CORO7: variants seen among roughly 807,000 people sequenced by gnomAD.
The protein encoded by CORO7 is coronin-7.
Under a neutral mutation model 126.6 loss-of-function variants are expected in CORO7, and 107 were observed. The observed-to-expected ratio is 0.85, with a 90% CI of 0.72 to 0.99. CORO7 has a LOEUF of 0.99. CORO7 is among the 50% of genes least tolerant of loss of function. CORO7 has a pLI of 0.00. For missense variants in CORO7, 1,314 were observed against 1,255.8 expected (o/e 1.05, Z -0.70); for synonymous variants, 603 against 536.8 (o/e 1.12, Z -1.70).
intron 6 of CORO7, among the ~76,000 whole-genome samples, chr16:4,401,580 G>A (rs2055809873): frequency 6.6e-6 from 1 of 152,234 alleles, no homozygotes; most frequent in South Asian, 2.1e-4. Context: ...AGAGACAGAA[G>A]ACAGAGACCA....
intron 5 of CORO7, 100 bp from the exon 6 acceptor site, chr16:4,405,667 C>G: frequency 7.0e-7 from 1 of 1,434,546 alleles, no homozygotes. Context: ...GCAAAGGCAG[C>G]AGCTACGAGG....
intron 7 of CORO7, among the ~76,000 whole-genome samples, chr16:4,393,164 C>A (rs114232925): frequency 0.017 from 2,513 of 152,258 alleles, 30 homozygotes; most frequent in Middle Eastern, 0.065. Flanking sequence ...AGGTCGGGGG[C>A]AGAAGCATAG....
At chr16:4,415,793 G>T (rs1026943002) in intron 1 of CORO7, 72 of 985,442 alleles carry the variant, frequency 7.3e-5, no homozygotes, top group Non-Finnish European at 7.3e-5. Context: ...GCCGTTTCGG[G>T]GGTCCGAAGG....
intron 9 of CORO7, chr16:4,381,516 C>G: frequency 6.3e-7 from 1 of 1,598,088 alleles, no homozygotes; most frequent in Non-Finnish European, 8.5e-7. Context: ...GGCTCTTCAG[C>G]CGCTTGCGCA....
At position 4,373,900 on chromosome 16, in the gene CORO7, C is replaced by T. The variant is rs373779911; in HGVS notation, c.786-8355G>A. Among the ~76,000 whole-genome samples, 4 of 152,242 alleles carry T rather than the reference C, an allele frequency of 2.6e-5. No homozygotes were observed. The East Asian group carries it at 5.8e-4, about 22-fold the overall frequency. On this transcript the variant is annotated intron_variant, in intron 9 of 27. Transcript: ENST00000251166. ...ATGGCTATCCCTGACCACTGGCCAGCCCTGAGCTCATGGGAGGGCAGCAAG... is the reference window on the plus strand; with the variant it reads ...ATGGCTATCCCTGACCACTGGCCAGTCCTGAGCTCATGGGAGGGCAGCAAG...
chr16:4,412,797 A>G (rs2056263297), intron 2 of CORO7: 1 of 308,190 alleles, frequency 3.2e-6, no homozygotes, highest in Non-Finnish European at 6.1e-6. Flanking sequence ...AGACCCAGAG[A>G]GGTCAGGGCC....
rs2056079330 is a variant in CORO7 at position 4,408,209 on chromosome 16, A to T, written c.275T>A (p.Leu92His). 3 of 1,614,200 alleles carry T rather than the reference A, an allele frequency of 1.9e-6. No individual in the cohort carries two copies. Among genetic ancestry groups the T allele is most frequent in the Middle Eastern group, 1.6e-4 (1 of 6,062 alleles). ...DLDFSPFDDFLLATGSADRTV... is the reference protein window; with the variant it reads ...DLDFSPFDDFHLATGSADRTV... ...CCTGTCAGCCGAGCCTGTGGCCAGG[A>T]GGAAGTCATCAAAGGGCGAGAAGTC... The change falls in exon 4 of 28, where the codon CTC becomes CAC. Residue 92 changes from leucine (L) to histidine (H), a missense_variant. Leu to His is a moderately conservative substitution (Grantham distance 99). Transcript: ENST00000251166.
At chr16:4,386,779 G>C (rs1394037595) in intron 9 of CORO7, among the ~76,000 whole-genome samples, 3 of 152,186 alleles carry the variant, frequency 2.0e-5, no homozygotes, top group Non-Finnish European at 4.4e-5. Flanking sequence ...GGTGTGACAG[G>C]GTGGGAAAGG....
intron 9 of CORO7, chr16:4,371,918 C>G (rs2054545735): frequency 6.6e-6 from 1 of 152,234 alleles, no homozygotes; most frequent in East Asian, 1.9e-4. Context: ...CCAGGACCCC[C>G]TCGGGCCCGA....
intron 9 of CORO7, chr16:4,382,233 C>G (rs1361482917): frequency 6.8e-6 from 11 of 1,606,516 alleles, no homozygotes; most frequent in African/African-American, 2.7e-5. Context: ...CACGGCCCAG[C>G]CCTACACCAG....
intron 26 of CORO7, among the ~76,000 whole-genome samples, chr16:4,355,759 G>A (rs1344503164): frequency 6.6e-6 from 1 of 150,842 alleles, no homozygotes. Context: ...GTGAGCCACA[G>A]CGCCCGGCCT....
intron 7 of CORO7, among the ~76,000 whole-genome samples, chr16:4,391,742 A>G (rs1396268571): frequency 6.6e-6 from 1 of 152,204 alleles, no homozygotes. Flanking sequence ...AGCCTCAGCA[A>G]GCCTCAGAGA....
chr16:4,365,534 G>A lies in CORO7; in HGVS notation c.797C>T (p.Pro266Leu). The A allele has an allele frequency of 6.3e-7, 1 of 1,581,704 alleles. No individual in the cohort carries two copies. Among genetic ancestry groups the A allele is most frequent in the East Asian group, 2.3e-5 (1 of 43,040 alleles). The change falls in exon 10 of 28, where the codon CCT (proline) becomes CTT (leucine). Residue 266 changes from proline (P) to leucine (L), a missense_variant. Coordinates refer to ENST00000251166, the MANE Select transcript of CORO7 (RefSeq NM_024535.5). ...GAGCCCAGAGTCAGGGTCCAGCAGA[G>A]GCACGAGACACCTGGGGAAGAGAGG... ...TLDTSLGCLV[P>L]LLDPDSGLLV...
chr16:4,409,785 A>G (rs2056135055), intron 3 of CORO7, among the ~76,000 whole-genome samples: 1 of 152,214 alleles, frequency 6.6e-6, no homozygotes, highest in Non-Finnish European at 1.5e-5. Flanking sequence ...CGGAAGGGCA[A>G]GAGTGGCCCT....
intron 17 of CORO7, 21 bp from the exon 18 acceptor site, chr16:4,361,269 C>A: frequency 1.9e-6 from 3 of 1,612,142 alleles, no homozygotes; most frequent in Non-Finnish European, 2.5e-6. Context: ...CAGACAGGGG[C>A]TCATCATTGC....
chr16:4,362,500 G>T lies in CORO7; in HGVS notation c.1402+112C>A. On this transcript the variant is annotated intron_variant, in intron 15 of 27. Transcript: ENST00000251166. This position sits in a 1 kb window ranked among gnomAD's most constrained non-coding sequence, Gnocchi z 5.3. ...CCCTGCCAGTGAGTCTGGGTGAGGG[G>T]GGTGCCCTGCATGAGGCCTGTGCTC... 6.9e-7 allele frequency: 1 copy of T among 1,443,940 alleles called. No homozygotes were observed. The highest frequency in any genetic ancestry group is 9.1e-7 in the Non-Finnish European group (1 of 1,099,674). The allele number at this position is 1,443,940 out of a possible 1,614,324, so 89.4% of individuals were successfully genotyped here.
At chr16:4,407,420 T>G in intron 5 of CORO7, 81 bp downstream of exon 5, 1 of 1,471,472 alleles carries the variant, frequency 6.8e-7, no homozygotes, top group Admixed American at 2.4e-5. Flanking sequence ...TAAATTTATG[T>G]GACTAAACAT....
rs765466022 is a variant in CORO7 at position 4,384,881 on chromosome 16, G to C, written c.785+3105C>G. The stretch of plus-strand genomic sequence containing the variant: ...GCTGCATCGTCAAAGGGGCCTTTGT[G>C]GGCCTGAGGCTGCTGCTGAACACGG... On this transcript the variant is annotated intron_variant, in intron 9 of 27. Transcript: ENST00000251166. Among the ~76,000 whole-genome samples, 89 of 152,210 alleles carry C rather than the reference G, an allele frequency of 5.8e-4. 1 individual carries two copies. Among genetic ancestry groups the C allele is most frequent in the Admixed American group, 7.2e-4 (11 of 15,282 alleles).
intron 9 of CORO7, chr16:4,383,275 A>AGAGG: frequency 4.0e-6 from 1 of 252,280 alleles, no homozygotes; most frequent in Non-Finnish European, 8.0e-6. Flanking sequence ...CGGAAAGAGC[A>AGAGG]GAGGGAGAGC....
Sources: gnomAD v4.1 joint callset for allele counts (sites outside exome capture counted in the v4.1 genomes callset) on GRCh38, gnomAD v4.1.1 for gene constraint, Gnocchi (gnomAD v3.1) non-coding constraint, MANE v1.5 for transcripts, NCBI Gene and HGNC (gene_info 2026-07-23, HGNC 2026-07-21) for gene names.